The following KIF21A variants were observed in gnomAD, a reference collection of about 807,000 sequenced individuals.
KIF21A encodes the protein kinesin-like protein KIF21A.
A neutral mutation model predicts 202.9 loss-of-function variants in KIF21A; 114 were observed. The observed-to-expected ratio is 0.56, with a 90% CI of 0.48 to 0.66. The LOEUF (loss-of-function observed/expected upper bound fraction) is 0.66, where lower values mean the gene tolerates loss of function less well. Among genes scored for constraint, KIF21A ranks in the 30% least tolerant of loss-of-function variants. KIF21A has a pLI of 0.00. For missense variants in KIF21A, 1,677 were observed against 1,994.9 expected, an observed-to-expected ratio of 0.84 and a Z score of 3.04; for synonymous variants, 667 against 670.8, an observed-to-expected ratio of 0.99 and a Z score of 0.09.
chr12:39,326,311 A>G lies in KIF21A; in HGVS notation c.3354T>C (p.Asp1118=). 6.2e-7 allele frequency: 1 copy of G among 1,611,508 alleles called. No individual in the cohort carries two copies. The highest frequency in any genetic ancestry group is 8.5e-7 in the Non-Finnish European group (1 of 1,177,898). ...LDSVPLENVE[D]STDEDAPLNS... ...TTAAAGGAGCATCCTCATCAGTACTATCCTCTACATTTTCTACAAAAAAAT... is the reference window on the plus strand; with the variant it reads ...TTAAAGGAGCATCCTCATCAGTACTGTCCTCTACATTTTCTACAAAAAAAT... The change falls in exon 25 of 38, where the codon GAT becomes GAC. Residue 1118 remains aspartate (D), a synonymous_variant. Transcript: ENST00000361418.
intron 1 of KIF21A, among the ~76,000 whole-genome samples, chr12:39,371,823 A>C (rs753785373): frequency 1.3e-5 from 2 of 151,794 alleles, no homozygotes; most frequent in African/African-American, 4.8e-5. Flanking sequence ...CAGCTACTCA[A>C]GAGGCAGAGG....
intron 31 of KIF21A, 77 bp from the exon 32 acceptor site, chr12:39,311,630 T>C: frequency 3.3e-6 from 5 of 1,496,248 alleles, no homozygotes; most frequent in Non-Finnish European, 4.6e-6. Flanking sequence ...AGTTTTGTTT[T>C]TTTCCCCTAA....
chr12:39,404,213 C>T (rs535091755), intron 1 of KIF21A, among the ~76,000 whole-genome samples: 83 of 152,300 alleles, frequency 5.4e-4, no homozygotes, highest in African/African-American at 1.8e-3. Flanking sequence ...ATGGTCCTGA[C>T]TCAGCCTCCC....
chr12:39,416,756 T>C (rs558744138), intron 1 of KIF21A, among the ~76,000 whole-genome samples: 4 of 136,798 alleles, frequency 2.9e-5, no homozygotes, highest in Non-Finnish European at 6.2e-5. Flanking sequence ...TATGTACATA[T>C]ATATGTGTAT....
intron 26 of KIF21A, among the ~76,000 whole-genome samples, chr12:39,324,812 C>G (rs1373348901): frequency 6.6e-6 from 1 of 152,162 alleles, no homozygotes; most frequent in Admixed American, 6.5e-5. Context: ...CCTGATTAAC[C>G]ACTGTGGGCC....
Position 39,293,999 on chromosome 12 carries a change from C to T in KIF21A, c.*425G>A, listed in dbSNP as rs1308010797. 2 of 168,270 alleles carry T rather than the reference C, an allele frequency of 1.2e-5. No individual in the cohort carries two copies. Among genetic ancestry groups the T allele is most frequent in the African/African-American group, 4.8e-5 (2 of 41,574 alleles). 10.4% of individuals were successfully genotyped at this position (168,270 alleles called of 1,614,324 possible). ...ACCTGACAAGCAAACCACAATTTGA[C>T]TAACATTTTCAATATTTAGTTTAAA... On this transcript the variant is annotated 3_prime_UTR_variant, in exon 38 of 38. Coordinates refer to ENST00000361418, the MANE Select transcript of KIF21A (RefSeq NM_001173464.2).
intron 1 of KIF21A, among the ~76,000 whole-genome samples, chr12:39,392,970 G>A (rs1472007633): frequency 1.4e-5 from 2 of 147,144 alleles, no homozygotes; most frequent in Non-Finnish European, 3.0e-5. Flanking sequence ...CAGATTGTGG[G>A]AAAATATATA....
At position 39,346,509 on chromosome 12, in the gene KIF21A, A is replaced by C; in HGVS notation, c.1674-5T>G. ...CTTTCCTCAAGTTTCTGTAGCCTTC[A>C]AAATCACGAGGCACAGTATTGGAAG... On this transcript the variant is annotated splice_region_variant and splice_polypyrimidine_tract_variant and intron_variant, in intron 11 of 37. Transcript: ENST00000361418. 1.3e-6 allele frequency: 2 copies of C among 1,486,296 alleles called. No individual in the cohort carries two copies. The highest frequency in any genetic ancestry group is 1.8e-6 in the Non-Finnish European group (2 of 1,121,324). 92.1% of individuals were successfully genotyped at this position (1,486,296 alleles called of 1,614,324 possible).
Position 39,332,650 on chromosome 12 carries a change from T to C in KIF21A, c.2797A>G (p.Ile933Val). ...GAAATGGTCATCTTCTGCATGATGA[T>C]GTCTGTGACCCTGCGCTCAAGGAGC... Reference protein sequence around the residue: ...WQLLERRVTDIIMQKMTISNM... With the variant: ...WQLLERRVTDVIMQKMTISNM... Residue 933 changes from isoleucine (I) to valine (V), a missense_variant, in exon 20 of 38, where the codon ATC becomes GTC. By Grantham distance (29) the Ile-to-Val change is conservative. Around this residue, in one of 3 missense-constraint regions of KIF21A, gnomAD observed 966 missense variants for 1,180.9 expected, o/e 0.82. Coordinates refer to ENST00000361418, the MANE Select transcript of KIF21A (RefSeq NM_001173464.2). 1 of 1,614,114 alleles carries C rather than the reference T, an allele frequency of 6.2e-7. No homozygotes were observed. The highest frequency in any genetic ancestry group is 8.5e-7 in the Non-Finnish European group (1 of 1,179,994).
At chr12:39,365,184 A>G (rs182732649) in intron 6 of KIF21A, among the ~76,000 whole-genome samples, 53 of 152,296 alleles carry the variant, frequency 3.5e-4, no homozygotes, top group Non-Finnish European at 5.9e-4. Context: ...TCACCAAATT[A>G]TACTTTAAAA....
chr12:39,428,487 T>C (rs1954933119), intron 1 of KIF21A, among the ~76,000 whole-genome samples: 1 of 152,178 alleles, frequency 6.6e-6, no homozygotes, highest in Non-Finnish European at 1.5e-5. Flanking sequence ...AATTATTGAG[T>C]AAGATCCTTA....
intron 10 of KIF21A, among the ~76,000 whole-genome samples, chr12:39,353,827 T>C (rs1399210465): frequency 2.6e-5 from 4 of 152,208 alleles, no homozygotes; most frequent in Non-Finnish European, 5.9e-5. Context: ...ACTTTTTGTA[T>C]GGCCTACAGG....
intron 1 of KIF21A, among the ~76,000 whole-genome samples, chr12:39,376,362 C>T (rs534258052): frequency 6.6e-6 from 1 of 151,980 alleles, no homozygotes; most frequent in South Asian, 2.1e-4. Context: ...GTATAGGGTA[C>T]AATAGGAGCC....
chr12:39,352,159 T>G (rs1394324698), intron 10 of KIF21A, among the ~76,000 whole-genome samples, 179 bp from the exon 11 acceptor site: 1 of 152,072 alleles, frequency 6.6e-6, no homozygotes, highest in Non-Finnish European at 1.5e-5. Flanking sequence ...CTTCCCATAC[T>G]GAGACTCTAT....
At position 39,416,635 on chromosome 12, in the gene KIF21A, A is replaced by G. The variant is rs894415594; in HGVS notation, c.44+26292T>C. Among the ~76,000 whole-genome samples, 147 of 139,336 alleles carry G rather than the reference A, an allele frequency of 1.1e-3. 3 individuals are homozygous for G. The highest frequency in any genetic ancestry group is 3.9e-3 in the African/African-American group (134 of 34,620). The allele number at this position is 139,336 out of a possible 152,430, so 91.4% of individuals were successfully genotyped here. A position where few individuals can be genotyped will look rare whatever the true frequency, so the allele number is the denominator to read the frequency against. ...TATATATGTACATATATATGTGTAT[A>G]TATATATATGTACATATATATGTGT... On this transcript the variant is annotated intron_variant, in intron 1 of 37. Coordinates refer to ENST00000361418, the MANE Select transcript of KIF21A (RefSeq NM_001173464.2).
intron 1 of KIF21A, among the ~76,000 whole-genome samples, chr12:39,391,605 G>T (rs1441867225): frequency 6.6e-6 from 1 of 152,016 alleles, no homozygotes; most frequent in African/African-American, 2.4e-5. Flanking sequence ...AAAAGAATTT[G>T]GTTCCAAAGA....
chr12:39,308,438 T>C (rs1943689350), intron 33 of KIF21A, among the ~76,000 whole-genome samples: 1 of 151,994 alleles, frequency 6.6e-6, no homozygotes, highest in South Asian at 2.1e-4. Flanking sequence ...GTAATTTATT[T>C]TCCTACAGCT....
chr12:39,322,618 T>A lies in KIF21A; in HGVS notation c.3671+50A>T, dbSNP rs201129557. 3.5e-4 allele frequency: 486 copies of A among 1,403,196 alleles called. 1 individual carries two copies. The highest frequency in any genetic ancestry group is 3.7e-4 in the Non-Finnish European group (364 of 991,652). 86.9% of individuals were successfully genotyped at this position (1,403,196 alleles called of 1,614,324 possible). On this transcript the variant is annotated intron_variant, in intron 27 of 37. Transcript: ENST00000361418. ...AAGAAATTAGCAACATGCATACTTT[T>A]TTTTTTAAAGCCAAAAGAAAAGAAG...
chr12:39,394,641 T>C (rs1951600657), intron 1 of KIF21A, among the ~76,000 whole-genome samples: 1 of 152,166 alleles, frequency 6.6e-6, no homozygotes, highest in South Asian at 2.1e-4. Context: ...AAGAATATAT[T>C]TCACTGAGTA....
Sources: allele counts gnomAD v4.1 joint callset (sites outside exome capture counted in the v4.1 genomes callset), GRCh38; gene constraint gnomAD v4.1.1; regional missense constraint gnomAD v4.1.1; transcripts MANE v1.5; gene names NCBI Gene and HGNC (gene_info 2026-07-23, HGNC 2026-07-21).